GTF2A1: variants seen among roughly 807,000 people sequenced by gnomAD.
GTF2A1 encodes general transcription factor IIA subunit 1.
In GTF2A1, 12 loss-of-function variants were observed where a neutral mutation model predicts 54.1. The observed-to-expected ratio is 0.22, with a 90% CI of 0.14 to 0.36. GTF2A1 has a LOEUF of 0.36. GTF2A1 is among the 10% of genes least tolerant of loss of function. The pLI is 1.00. For missense variants in GTF2A1, 335 were observed against 442.2 expected (o/e 0.76, Z 2.17); for synonymous variants, 145 against 152.0 (o/e 0.95, Z 0.34).
chr14:81,200,327 T>TA lies in GTF2A1; in HGVS notation c.402+1266dup, dbSNP rs201360820. Among the ~76,000 whole-genome samples, 167 of 151,422 alleles carry TA rather than the reference T, an allele frequency of 1.1e-3. 1 individual carries two copies. Among genetic ancestry groups the TA allele is most frequent in the African/African-American group, 3.6e-3 (147 of 41,292 alleles). ...TCTTTTCATACACTGCTTTTTGGTT[T>TA]AAAAAAAAACTTGAGGCTGGGCGTG... On this transcript the variant is annotated intron_variant, in intron 4 of 8. Coordinates refer to ENST00000553612, the MANE Select transcript of GTF2A1 (RefSeq NM_015859.4).
At chr14:81,207,431 C>G (rs973645757) in intron 2 of GTF2A1, among the ~76,000 whole-genome samples, 3 of 152,178 alleles carry the variant, frequency 2.0e-5, no homozygotes, top group Non-Finnish European at 2.9e-5. Flanking sequence ...GCCTCCCCAG[C>G]CATGTGGAAC....
At chr14:81,199,945 CT>C (rs5810016) in intron 4 of GTF2A1, among the ~76,000 whole-genome samples, 146,643 of 148,836 alleles carry the variant, frequency 0.99, 72,322 homozygotes, top group Non-Finnish European at 1. Context: ...TATAGTGAGA[CT>C]TTTTTTTTTT....
intron 2 of GTF2A1, among the ~76,000 whole-genome samples, chr14:81,209,713 A>G (rs1893319559): frequency 6.6e-6 from 1 of 152,206 alleles, no homozygotes; most frequent in African/African-American, 2.4e-5. Flanking sequence ...GAGGTCCCTG[A>G]ATATAGCATA....
chr14:81,192,036 G>A (rs1892886477), intron 7 of GTF2A1, among the ~76,000 whole-genome samples: 1 of 152,154 alleles, frequency 6.6e-6, no homozygotes, highest in Admixed American at 6.5e-5. Context: ...GACATTAAGG[G>A]TACATAGGTT....
intron 8 of GTF2A1, among the ~76,000 whole-genome samples, chr14:81,185,110 CCTTA>C (rs1045431263): frequency 1.2e-4 from 18 of 150,622 alleles, no homozygotes; most frequent in Admixed American, 5.3e-4. Context: ...CTGTTCATTG[CCTTA>C]GTCTTTTCCT....
intron 2 of GTF2A1, among the ~76,000 whole-genome samples, chr14:81,214,075 C>A (rs1296990945): frequency 6.6e-6 from 1 of 151,982 alleles, no homozygotes; most frequent in Non-Finnish European, 1.5e-5. Flanking sequence ...ACTCCTCACA[C>A]AGGAATATTC....
rs1566853943 is a variant in GTF2A1, at chr14:81,192,561, TTCC to T, written c.888_890del (p.Glu297del). On this transcript the variant is annotated inframe_deletion, in exon 7 of 9. Coordinates refer to ENST00000553612, the MANE Select transcript of GTF2A1 (RefSeq NM_015859.4). Reference sequence around the variant, plus strand: ...CTTCAGCTCCATCTTTCTCTTTGTCTTCCTCCTCATCATCATCATAGTCTTCTT... The same window carrying T: ...CTTCAGCTCCATCTTTCTCTTTGTCTTCCTCATCATCATCATAGTCTTCTT... The T allele has an allele frequency of 5.0e-6, 8 of 1,613,354 alleles. No homozygotes were observed. Among genetic ancestry groups the T allele is most frequent in the Admixed American group, 3.3e-5 (2 of 59,930 alleles).
Position 81,176,522 on chromosome 14 carries a change from C to T in GTF2A1, c.*3701G>A, listed in dbSNP as rs1485046429. The T allele has an allele frequency of 6.6e-6, 1 of 151,940 alleles. No individual in the cohort carries two copies. The highest frequency in any genetic ancestry group is 1.5e-5 in the Non-Finnish European group (1 of 67,936). The allele number at this position is 151,940 out of a possible 1,614,324, so 9.4% of individuals were successfully genotyped here. A position where few individuals can be genotyped will look rare whatever the true frequency, so the allele number is the denominator to read the frequency against. ...TTAAAAGAGAAAAGTTTTTTTGTTC[C>T]TCAAAATAAACAAAAATGTTAGTTT... On this transcript the variant is annotated 3_prime_UTR_variant, in exon 9 of 9. Transcript: ENST00000553612.
chr14:81,199,837 G>A (rs1893065571), intron 4 of GTF2A1, among the ~76,000 whole-genome samples: 1 of 152,026 alleles, frequency 6.6e-6, no homozygotes, highest in Non-Finnish European at 1.5e-5. Flanking sequence ...TTCTTTTAGA[G>A]GGGCCTACCA....
intron 6 of GTF2A1, among the ~76,000 whole-genome samples, chr14:81,195,680 G>A (rs1037050792): frequency 7.9e-5 from 12 of 151,648 alleles, no homozygotes; most frequent in African/African-American, 2.9e-4. Context: ...GAATTGGTAG[G>A]GCTTGATACC....
intron 8 of GTF2A1, among the ~76,000 whole-genome samples, chr14:81,182,191 T>C (rs766497594): frequency 1.3e-5 from 2 of 152,158 alleles, no homozygotes; most frequent in Non-Finnish European, 2.9e-5. Flanking sequence ...TGCTTACTTA[T>C]TAAAGCAAAA....
chr14:81,216,370 G>A (rs747463635), intron 2 of GTF2A1, 43 bp downstream of exon 2: 2 of 839,948 alleles, frequency 2.4e-6, no homozygotes, highest in Non-Finnish European at 4.0e-6. Context: ...AAAATGTTTT[G>A]TGGGGGAAAA....
chr14:81,190,762 A>G (rs1566853178), intron 7 of GTF2A1, among the ~76,000 whole-genome samples: 1 of 152,174 alleles, frequency 6.6e-6, no homozygotes, highest in Non-Finnish European at 1.5e-5. Context: ...TGCTATCACC[A>G]CTTCTAATCA....
intron 3 of GTF2A1, chr14:81,202,946 G>A (rs532628667): frequency 4.3e-5 from 16 of 370,278 alleles, no homozygotes; most frequent in African/African-American, 2.8e-4. Context: ...TCTACTGTGT[G>A]TCATTACCAA....
At chr14:81,210,282 A>C (rs1180006366) in intron 2 of GTF2A1, among the ~76,000 whole-genome samples, 1 of 152,224 alleles carries the variant, frequency 6.6e-6, no homozygotes, top group East Asian at 1.9e-4. Context: ...AATTACCAAA[A>C]AGTTCAAATT....
chr14:81,199,786 A>G (rs1005017145), intron 4 of GTF2A1, among the ~76,000 whole-genome samples: 23 of 152,194 alleles, frequency 1.5e-4, no homozygotes, highest in African/African-American at 5.5e-4. Context: ...TATCCCAGAA[A>G]TAACTTACTA....
chr14:81,186,160 TTTTC>T (rs1439388082), intron 7 of GTF2A1, among the ~76,000 whole-genome samples: 3 of 152,348 alleles, frequency 2.0e-5, no homozygotes, highest in South Asian at 2.1e-4. Context: ...CCTATCTTTA[TTTTC>T]TTTATTTTTT....
intron 8 of GTF2A1, among the ~76,000 whole-genome samples, chr14:81,183,247 T>C (rs1472572144): frequency 6.6e-6 from 1 of 152,194 alleles, no homozygotes; most frequent in Admixed American, 6.5e-5. Flanking sequence ...TCTCCCCTTA[T>C]CTTTGAATTC....
intron 7 of GTF2A1, among the ~76,000 whole-genome samples, chr14:81,187,343 A>G (rs1223261173): frequency 2.7e-5 from 4 of 149,902 alleles, no homozygotes; most frequent in Non-Finnish European, 4.4e-5. Context: ...CAGCAGAGTG[A>G]AACTCCGTCT....
Sources: gnomAD v4.1 joint callset for allele counts (sites outside exome capture counted in the v4.1 genomes callset) on GRCh38, gnomAD v4.1.1 for gene constraint, MANE v1.5 for transcripts, NCBI Gene and HGNC (gene_info 2026-07-23, HGNC 2026-07-21) for gene names.